The following ZNF182 variants were observed in gnomAD, a reference collection of about 807,000 sequenced individuals.
The protein encoded by ZNF182 is zinc finger protein 21 (KOX 14).
ZNF182 carries 10 observed loss-of-function variants against 28.1 expected under a neutral mutation model. That is an observed-to-expected ratio of 0.36 (90% CI 0.22 to 0.60). ZNF182 has a LOEUF of 0.60. Among genes scored for constraint, ZNF182 ranks in the 20% least tolerant of loss-of-function variants. ZNF182 has a pLI of 0.75. For missense variants in ZNF182, 352 were observed against 453.2 expected, an observed-to-expected ratio of 0.78 and a Z score of 2.03; for synonymous variants, 156 against 158.7, an observed-to-expected ratio of 0.98 and a Z score of 0.13.
Position 47,977,031 on chromosome X carries a change from T to C in ZNF182, c.999A>G (p.Gly333=), listed in dbSNP as rs2058887340. 2 of 1,205,410 alleles carry C rather than the reference T, an allele frequency of 1.7e-6. No homozygotes were observed. Among genetic ancestry groups the C allele is most frequent in the South Asian group, 3.6e-5 (2 of 55,576 alleles). ...GATCAAGCTTCTGTATGAAAGATTC[T>C]CCACATTTAGTGCATTCATAGGTTT... ...GEKTYECTKC[G]ESFIQKLDLI... is the part of the protein sequence containing the mutation. Residue 333 remains glycine, a synonymous_variant, in exon 6 of 6, where the codon GGA becomes GGG. Coordinates refer to ENST00000376943, the MANE Select transcript of ZNF182 (RefSeq NM_001007088.2).
chrX:47,994,856 C>T (rs935082484), intron 3 of ZNF182, among the ~76,000 whole-genome samples: 2 of 109,515 alleles, frequency 1.8e-5, no homozygotes, highest in South Asian at 8.1e-4. Context: ...CCAGGCTGGT[C>T]TTGAACTCCT....
intron 3 of ZNF182, among the ~76,000 whole-genome samples, chrX:47,998,854 C>CAAAAA (rs57757084): frequency 1.8e-5 from 1 of 56,881 alleles, no homozygotes. Flanking sequence ...GACTCCGTCT[C>CAAAAA]AAAAAAAAAA....
chrX:47,980,443 G>C (rs1280729550), intron 5 of ZNF182, among the ~76,000 whole-genome samples: 3 of 111,599 alleles, frequency 2.7e-5, no homozygotes, highest in Non-Finnish European at 5.7e-5. Flanking sequence ...TAAAAGAAAA[G>C]ATTTTGAATG....
At chrX:47,998,903 C>T in intron 3 of ZNF182, among the ~76,000 whole-genome samples, 1 of 110,345 alleles carries the variant, frequency 9.1e-6, no homozygotes, top group Non-Finnish European at 1.9e-5. Flanking sequence ...TAATATCACT[C>T]CTGGGTATAC....
rs2058889770 is a variant in ZNF182 at position 47,977,505 on chromosome X, A to C, written c.525T>G (p.Thr175=). The C allele has an allele frequency of 9.9e-6, 12 of 1,211,048 alleles. No individual in the cohort carries two copies. Among genetic ancestry groups the C allele is most frequent in the Non-Finnish European group, 1.3e-5 (12 of 895,329 alleles). ...TTCCAGGATTTGTTTTCTCATACTC[A>C]GTATGGAAGAACAATTTTGCACATC... is the stretch of plus-strand genomic sequence containing the variant. ...DNGCAKLFFH[T]EYEKTNPGMK... is the part of the protein sequence containing the mutation. Residue 175 remains threonine (T), a synonymous_variant, in exon 6 of 6, where the codon ACT becomes ACG. Transcript: ENST00000376943.
Position 47,982,986 on chromosome X carries a change from G to T in ZNF182, c.195C>A (p.Cys65Ter). Residue 65 changes from cysteine to a stop codon, truncating the protein, a stop_gained, in exon 5 of 6, where the codon TGC becomes TGA. Transcript: ENST00000376943. LOFTEE classifies it high-confidence loss of function. Reference protein sequence around the residue: ...NLILKLEVEECPAEGKIPFWN... With the variant: ...NLILKLEVEE Reference sequence around the variant, plus strand: ...AAAATGGGATTTTTCCTTCTGCCGGGCATTCTTCTACCTCCAACTTGAGGA... The same window carrying T: ...AAAATGGGATTTTTCCTTCTGCCGGTCATTCTTCTACCTCCAACTTGAGGA... The T allele has an allele frequency of 8.3e-7, 1 of 1,211,193 alleles. No homozygotes were observed. The highest frequency in any genetic ancestry group is 1.1e-6 in the Non-Finnish European group (1 of 895,277).
chrX:47,992,135 C>T (rs1171359501), intron 3 of ZNF182, among the ~76,000 whole-genome samples: 3 of 111,713 alleles, frequency 2.7e-5, no homozygotes, highest in Non-Finnish European at 5.6e-5. Context: ...GCTCTCTCAC[C>T]CAAAGAACAG....
At chrX:47,977,835 C>T (rs1556898566) in intron 5 of ZNF182, 38 bp from the exon 6 acceptor site, 6 of 1,065,631 alleles carry the variant, frequency 5.6e-6, no homozygotes, top group Admixed American at 3.2e-5. Flanking sequence ...TATGCTTTGA[C>T]ATTATGGAGC....
rs143430611 is a variant in ZNF182, at chrX:47,980,957, A to G, written c.232+1992T>C. 2.1e-4 allele frequency among the ~76,000 whole-genome samples: 24 copies of G among 111,959 alleles called. No individual in the cohort carries two copies. The East Asian group carries it at 6.4e-3, about 30-fold the overall frequency. On this transcript the variant is annotated intron_variant, in intron 5 of 5. Coordinates refer to ENST00000376943, the MANE Select transcript of ZNF182 (RefSeq NM_001007088.2). ...TCAATGGCACCAAAATGATTACCTC[A>G]ATTCATTCAACTCGCTATACACAAG...
intron 3 of ZNF182, among the ~76,000 whole-genome samples, chrX:47,987,696 A>C (rs1163632146): frequency 1.8e-5 from 2 of 112,393 alleles, no homozygotes; most frequent in Admixed American, 9.4e-5. Context: ...ATATAGATGT[A>C]GACATACAGA....
chrX:47,979,888 T>TGC (rs2058899181), intron 5 of ZNF182, among the ~76,000 whole-genome samples: 1 of 107,427 alleles, frequency 9.3e-6, no homozygotes, highest in African/African-American at 3.4e-5. Context: ...TGTGTGTGTG[T>TGC]GTGTGTGTGT....
chrX:48,002,940 T>C (rs782804098), intron 2 of ZNF182, among the ~76,000 whole-genome samples: 1 of 112,500 alleles, frequency 8.9e-6, no homozygotes, highest in Admixed American at 9.4e-5. Flanking sequence ...TATCATAATT[T>C]CTCTGCACGT....
Position 47,976,990 on chromosome X carries a change from C to T in ZNF182, c.1040G>A (p.Ser347Asn). The T allele has an allele frequency of 8.3e-7, 1 of 1,203,916 alleles. No individual in the cohort carries two copies. The highest frequency in any genetic ancestry group is 1.1e-6 in the Non-Finnish European group (1 of 892,756). The change falls in exon 6 of 6, where the codon AGT becomes AAT. Residue 347 changes from serine (S) to asparagine (N), a missense_variant. Coordinates refer to ENST00000376943, the MANE Select transcript of ZNF182 (RefSeq NM_001007088.2). Reference protein sequence around the residue: ...IQKLDLIIHHSTHTGKKPHEC... With the variant: ...IQKLDLIIHHNTHTGKKPHEC... ...ATGGGGTTTCTTTCCTGTATGGGTACTATGATGTATAATTAGATCAAGCTT... is the reference window on the plus strand; with the variant it reads ...ATGGGGTTTCTTTCCTGTATGGGTATTATGATGTATAATTAGATCAAGCTT...
At chrX:47,996,939 G>A (rs1184019016) in intron 3 of ZNF182, among the ~76,000 whole-genome samples, 1 of 111,565 alleles carries the variant, frequency 9.0e-6, no homozygotes, top group East Asian at 2.8e-4. Flanking sequence ...CTGGAACTGT[G>A]AGAAAATTAA....
In ZNF182 at chrX:47,976,478, T is replaced by C. The variant is rs2058884358; in HGVS notation, c.1552A>G (p.Thr518Ala). 8.3e-7 allele frequency: 1 copy of C among 1,211,143 alleles called. No homozygotes were observed. The highest frequency in any genetic ancestry group is 1.8e-5 in the South Asian group (1 of 56,695). The change falls in exon 6 of 6, where the codon ACA becomes GCA. Residue 518 changes from threonine to alanine, a missense_variant. Physicochemically the swap from Thr to Ala is moderately conservative, Grantham distance 58 (BLOSUM62 0). Transcript: ENST00000376943. ...GGACATTCATAAGGTTTCTCTCCTG[T>C]ATGAATTCTCTGATGTATAATGAGC... ...SKLIIHQRIH[T>A]GEKPYECPVC...
chrX:47,997,085 G>C (rs782355636), intron 3 of ZNF182, among the ~76,000 whole-genome samples: 1 of 110,688 alleles, frequency 9.0e-6, no homozygotes, highest in African/African-American at 3.3e-5. Context: ...CCAGCACTTT[G>C]GGAGGTCGAG....
intron 3 of ZNF182, among the ~76,000 whole-genome samples, chrX:48,001,672 T>C (rs1246760269): frequency 3.6e-5 from 4 of 111,665 alleles, no homozygotes; most frequent in African/African-American, 9.8e-5. Context: ...GATGTTATCA[T>C]TGGGGGAACC....
At chrX:47,978,082 T>A (rs1217768240) in intron 5 of ZNF182, among the ~76,000 whole-genome samples, 2 of 111,260 alleles carry the variant, frequency 1.8e-5, no homozygotes, top group Non-Finnish European at 3.8e-5. Flanking sequence ...AACTTTTTTT[T>A]TAAGAGACAG....
intron 5 of ZNF182, among the ~76,000 whole-genome samples, chrX:47,981,996 T>C (rs782547587): frequency 9.0e-6 from 1 of 110,843 alleles, no homozygotes; most frequent in South Asian, 3.8e-4. Context: ...AAAACATATA[T>C]CACCACAAAA....
Sources: gnomAD v4.1 joint callset for allele counts (sites outside exome capture counted in the v4.1 genomes callset) on GRCh38, gnomAD v4.1.1 for gene constraint, MANE v1.5 for transcripts, NCBI Gene and HGNC (gene_info 2026-07-23, HGNC 2026-07-21) for gene names.